MLLT10: variants seen among roughly 807,000 people sequenced by gnomAD.
MLLT10 encodes MLLT10 histone lysine methyltransferase DOT1L cofactor, also known as protein AF-10.
In MLLT10, 30 loss-of-function variants were observed where a neutral mutation model predicts 129.1. The ratio of observed to expected loss-of-function variants is 0.23; its 90% confidence interval spans 0.17 to 0.32. The LOEUF is 0.32. Ranked by LOEUF, MLLT10 falls within the 10% of genes least tolerant of loss-of-function variation. The pLI, the probability that MLLT10 is intolerant of heterozygous loss-of-function variation, is 1.00. For synonymous variants in MLLT10, 490 were observed against 446.4 expected (o/e 1.10, Z -1.23); for missense variants, 1,119 against 1,268.3 (o/e 0.88, Z 1.79).
intron 13 of MLLT10, among the ~76,000 whole-genome samples, chr10:21,689,730 T>C (rs2053677399): frequency 6.7e-6 from 1 of 150,238 alleles, no homozygotes; most frequent in Non-Finnish European, 1.5e-5. Context: ...CAACATTAGC[T>C]ATTAGTCCAA....
chr10:21,544,342 A>C (rs1021287701), intron 3 of MLLT10, among the ~76,000 whole-genome samples: 2 of 152,106 alleles, frequency 1.3e-5, no homozygotes, highest in Admixed American at 6.6e-5. Context: ...CAAAAGCCCA[A>C]CTTTGGTTTG....
chr10:21,564,327 G>C (rs895486858), intron 3 of MLLT10: 2 of 152,112 alleles, frequency 1.3e-5, no homozygotes, highest in Non-Finnish European at 2.9e-5. Context: ...CTGAGCTAAA[G>C]CCATGCTCCC....
chr10:21,595,762 AT>A (rs372396142), intron 5 of MLLT10, among the ~76,000 whole-genome samples: 9 of 152,218 alleles, frequency 5.9e-5, no homozygotes, highest in African/African-American at 2.2e-4. Context: ...AGCCTGTTAA[AT>A]TTGAATTAAT....
chr10:21,591,244 A>G (rs763801472), intron 4 of MLLT10, among the ~76,000 whole-genome samples: 23 of 152,248 alleles, frequency 1.5e-4, no homozygotes, highest in Admixed American at 9.2e-4. Flanking sequence ...TTTGTTGTAG[A>G]GACGGGGTTT....
In MLLT10 at chr10:21,742,173, G is replaced by A; in HGVS notation, c.*190G>A. ...TCTTGTTGCTTTGTTGCACTGAAAT[G>A]GAATTCCCATGCCCCTACCCCTTAC... On this transcript the variant is annotated 3_prime_UTR_variant, in exon 23 of 23. Coordinates refer to ENST00000307729, the MANE Select transcript of MLLT10 (RefSeq NM_001195626.3). The A allele has an allele frequency of 5.5e-6, 3 of 543,658 alleles. No homozygotes were observed. Among genetic ancestry groups the A allele is most frequent in the Non-Finnish European group, 9.5e-6 (3 of 315,048 alleles). 33.7% of individuals were successfully genotyped at this position (543,658 alleles called of 1,614,324 possible).
intron 13 of MLLT10, among the ~76,000 whole-genome samples, chr10:21,700,111 T>C (rs1355161808): frequency 1.3e-5 from 2 of 150,940 alleles, no homozygotes; most frequent in African/African-American, 4.8e-5. Context: ...ATGTATTCTT[T>C]TTTTTTTTTT....
chr10:21,622,479 C>T (rs2045983290), intron 8 of MLLT10, among the ~76,000 whole-genome samples: 1 of 152,022 alleles, frequency 6.6e-6, no homozygotes, highest in African/African-American at 2.4e-5. Flanking sequence ...AAGGATGTTT[C>T]TGCAAAAATT....
rs929971187 is a variant in MLLT10, at chr10:21,692,001, CA to C, written c.1699+9767del. Among the ~76,000 whole-genome samples the C allele has an allele frequency of 3.9e-3, 198 of 50,160 alleles. 1 individual carries two copies. Among genetic ancestry groups the C allele is most frequent in the East Asian group, 0.028 (33 of 1,180 alleles). The allele number at this position is 50,160 out of a possible 152,430, so 32.9% of individuals were successfully genotyped here. ...CCATCATGGTGAAACCTCATATCTA[CA>C]AAAAAAAAAAAAAAAAAAAAAAGAG... On this transcript the variant is annotated intron_variant, in intron 13 of 22. Coordinates refer to ENST00000307729, the MANE Select transcript of MLLT10 (RefSeq NM_001195626.3).
intron 13 of MLLT10, among the ~76,000 whole-genome samples, chr10:21,698,159 C>T (rs2054551617): frequency 1.3e-5 from 2 of 152,182 alleles, no homozygotes; most frequent in South Asian, 4.1e-4. Context: ...TTAAAACTTA[C>T]TTATTCTATC....
At position 21,681,349 on chromosome 10, in the gene MLLT10, C is replaced by T. The variant is rs994287375; in HGVS notation, c.1639C>T (p.Arg547Trp). 3.1e-6 allele frequency: 5 copies of T among 1,612,268 alleles called. No homozygotes were observed. Among genetic ancestry groups the T allele is most frequent in the Middle Eastern group, 1.6e-4 (1 of 6,062 alleles). ...PVGSEISMQY[R>W]HDGACPTTTF... ...CTCAACAGAAATTTCCATGCAGTAT[C>T]GGCATGATGGAGCTTGCCCAACAAC... is the stretch of plus-strand genomic sequence containing the variant. Residue 547 changes from arginine (R) to tryptophan (W), a missense_variant, in exon 12 of 23, where the codon CGG becomes TGG. Coordinates refer to ENST00000307729, the MANE Select transcript of MLLT10 (RefSeq NM_001195626.3).
At chr10:21,717,767 CGCT>C (rs1276186205) in intron 14 of MLLT10, among the ~76,000 whole-genome samples, 3 of 111,856 alleles carry the variant, frequency 2.7e-5, no homozygotes, top group African/African-American at 7.0e-5. Flanking sequence ...CCTCCTCCTC[CGCT>C]GCTGCTGCTG....
intron 3 of MLLT10, among the ~76,000 whole-genome samples, chr10:21,553,475 G>A (rs2037409331): frequency 6.6e-6 from 1 of 151,392 alleles, no homozygotes; most frequent in South Asian, 2.1e-4. Flanking sequence ...ACAGGCGTGT[G>A]CCACTATGCC....
Position 21,570,334 on chromosome 10 carries a change from A to G in MLLT10, c.241-15960A>G, listed in dbSNP as rs1275809421. Among the ~76,000 whole-genome samples, 3 of 152,160 alleles carry G rather than the reference A, an allele frequency of 2.0e-5. No homozygotes were observed. The South Asian group carries it at 6.2e-4, about 32-fold the overall frequency. The stretch of plus-strand genomic sequence containing the variant: ...GTGATTTTCCCACCTCGGCCTCCCA[A>G]AGTGCTGGGATTACAGGCATGAGCC... On this transcript the variant is annotated intron_variant, in intron 3 of 22. Coordinates refer to ENST00000307729, the MANE Select transcript of MLLT10 (RefSeq NM_001195626.3).
Position 21,733,051 on chromosome 10 carries a change from C to T in MLLT10, c.2371C>T (p.Pro791Ser), listed in dbSNP as rs1434421330. ...TCCAACAATAACAGCAAATCCTAGT[C>T]CGTCTCATCAAATACACACATTTTC... ...PFPTITANPSPSHQIHTFSAQ... is the reference protein window; with the variant it reads ...PFPTITANPSSSHQIHTFSAQ... The change falls in exon 18 of 23, where the codon CCG becomes TCG. Residue 791 changes from proline to serine, a missense_variant. Coordinates refer to ENST00000307729, the MANE Select transcript of MLLT10 (RefSeq NM_001195626.3). 5 of 1,613,054 alleles carry T rather than the reference C, an allele frequency of 3.1e-6. No individual in the cohort carries two copies. Among genetic ancestry groups the T allele is most frequent in the Middle Eastern group, 1.7e-4 (1 of 6,052 alleles).
chr10:21,670,251 T>C (rs1019902060), intron 9 of MLLT10, among the ~76,000 whole-genome samples, 198 bp from the exon 10 acceptor site: 3 of 152,182 alleles, frequency 2.0e-5, no homozygotes, highest in African/African-American at 7.2e-5. Context: ...GGCTTTTTCT[T>C]TTCTTTTCTT....
intron 5 of MLLT10, among the ~76,000 whole-genome samples, chr10:21,596,615 A>C: frequency 6.6e-6 from 1 of 151,894 alleles, no homozygotes; most frequent in Non-Finnish European, 1.5e-5. Flanking sequence ...CCCTTAAAAA[A>C]CTTTGCTATT....
intron 8 of MLLT10, among the ~76,000 whole-genome samples, chr10:21,640,244 A>G (rs1564557879): frequency 7.0e-6 from 1 of 143,616 alleles, no homozygotes; most frequent in East Asian, 2.0e-4. Flanking sequence ...TGTAATATAA[A>G]TATTTATATT....
In MLLT10 at chr10:21,534,384, C is replaced by T. The variant is rs1305267171; in HGVS notation, c.-137C>T. ...CTCTCCGGGCGCCCGCGTTAGCGGC[C>T]GGGTGGAGGTGGGGAGGGAAGACGC... On this transcript the variant is annotated 5_prime_UTR_variant, in exon 1 of 23. Coordinates refer to ENST00000307729, the MANE Select transcript of MLLT10 (RefSeq NM_001195626.3). 3.0e-5 allele frequency: 8 copies of T among 270,792 alleles called. No individual in the cohort carries two copies. Among genetic ancestry groups the T allele is most frequent in the Non-Finnish European group, 5.8e-5 (8 of 138,648 alleles). The allele number at this position is 270,792 out of a possible 1,614,324, so 16.8% of individuals were successfully genotyped here. A position where few individuals can be genotyped will look rare whatever the true frequency, so the allele number is the denominator to read the frequency against.
At chr10:21,621,038 G>C (rs2045766498) in intron 8 of MLLT10, among the ~76,000 whole-genome samples, 1 of 151,574 alleles carries the variant, frequency 6.6e-6, no homozygotes, top group Non-Finnish European at 1.5e-5. Flanking sequence ...AGGCTGGAGT[G>C]CAGTGGCGCA....
Sources: gnomAD v4.1 joint callset for allele counts (sites outside exome capture counted in the v4.1 genomes callset) on GRCh38, gnomAD v4.1.1 for gene constraint, MANE v1.5 for transcripts, NCBI Gene and HGNC (gene_info 2026-07-23, HGNC 2026-07-21) for gene names.